The following SNX30 variants were observed in gnomAD, a reference collection of about 807,000 sequenced individuals.
SNX30 encodes the protein sorting nexin family member 30.
Under a neutral mutation model 46.4 loss-of-function variants are expected in SNX30, and 24 were observed. The ratio of observed to expected loss-of-function variants is 0.52; its 90% CI spans 0.37 to 0.73. The LOEUF is 0.73. SNX30 is among the 30% of genes least tolerant of loss of function. SNX30 has a pLI of 0.00. For synonymous variants in SNX30, 189 were observed against 211.5 expected (o/e 0.89, Z 0.92); for missense variants, 533 against 555.7 (o/e 0.96, Z 0.41).
intron 7 of SNX30, among the ~76,000 whole-genome samples, chr9:112,860,700 G>C (rs1271342598): frequency 6.6e-6 from 1 of 152,160 alleles, no homozygotes; most frequent in Non-Finnish European, 1.5e-5. Context: ...GAAATCTCAG[G>C]GTGGAGTAGC....
chr9:112,880,337 A>AAAAAAAG (rs1416653355), exon 5 of SNX30: 1 of 151,384 alleles, frequency 6.6e-6, no homozygotes, highest in African/African-American at 2.4e-5. Flanking sequence ...TCTCAAAAAA[A>AAAAAAAG]AAAAAAAAAA....
At chr9:112,813,694 G>T (rs2131415555) in intron 2 of SNX30, among the ~76,000 whole-genome samples, 1 of 151,522 alleles carries the variant, frequency 6.6e-6, no homozygotes. Context: ...GGCTGGTCTT[G>T]AACTCCTGAC....
At chr9:112,794,938 G>A (rs1291715333) in intron 1 of SNX30, among the ~76,000 whole-genome samples, 3 of 152,104 alleles carry the variant, frequency 2.0e-5, no homozygotes, top group Non-Finnish European at 2.9e-5. Flanking sequence ...GTGAAAATTG[G>A]TATTTTGCAA....
At chr9:112,838,362 G>A in intron 5 of SNX30, 136 bp from the exon 6 acceptor site, 1 of 661,064 alleles carries the variant, frequency 1.5e-6, no homozygotes, top group Non-Finnish European at 2.6e-6. Flanking sequence ...GTTTAAAGAA[G>A]AGTGGGATCA....
intron 1 of SNX30, among the ~76,000 whole-genome samples, chr9:112,771,322 TA>T (rs1282164684): frequency 6.6e-6 from 1 of 152,228 alleles, no homozygotes; most frequent in Non-Finnish European, 1.5e-5. Flanking sequence ...TAGCAAAAGA[TA>T]AAAGCTTATA....
chr9:112,845,260 G>A (rs1418283560), intron 6 of SNX30, among the ~76,000 whole-genome samples: 1 of 152,112 alleles, frequency 6.6e-6, no homozygotes, highest in African/African-American at 2.4e-5. Flanking sequence ...TTTTGGGAAC[G>A]GATTGAGAGT....
At chr9:112,884,581 T>TA (rs1330487211), downstream of SNX30, among the ~76,000 whole-genome samples, 1 of 133,854 alleles carries the variant, frequency 7.5e-6, no homozygotes, top group African/African-American at 2.5e-5. Flanking sequence ...GCACCGCAGA[T>TA]TAATTGAGTC....
Position 112,864,243 on chromosome 9 carries a change from C to T in SNX30, c.1102-4C>T. ...GGGCACCCATGTGTGCCTCCCTTTT[C>T]CAGGTACCGGCGGACGTCGAGAAAT... On this transcript the variant is annotated splice_polypyrimidine_tract_variant and splice_region_variant and intron_variant, in intron 7 of 8. Coordinates refer to ENST00000374232, the MANE Select transcript of SNX30 (RefSeq NM_001012994.2). 1 of 1,613,642 alleles carries T rather than the reference C, an allele frequency of 6.2e-7. No homozygotes were observed. The highest frequency in any genetic ancestry group is 8.5e-7 in the Non-Finnish European group (1 of 1,179,876).
chr9:112,864,646 A>G (rs1056460204), intron 8 of SNX30, among the ~76,000 whole-genome samples: 1 of 152,114 alleles, frequency 6.6e-6, no homozygotes, highest in African/African-American at 2.4e-5. Flanking sequence ...TTCGTCTTCC[A>G]TGCTTTCTGG....
intron 1 of SNX30, among the ~76,000 whole-genome samples, chr9:112,790,722 T>C (rs1169306797): frequency 6.6e-6 from 1 of 152,218 alleles, no homozygotes; most frequent in East Asian, 1.9e-4. Flanking sequence ...TACCATATAG[T>C]CTTTGTCCTC....
rs1262777327 is a variant in SNX30 at position 112,750,838 on chromosome 9, G to A, written c.-164G>A. 2 of 478,520 alleles carry A rather than the reference G, an allele frequency of 4.2e-6. No homozygotes were observed. Among genetic ancestry groups the A allele is most frequent in the Non-Finnish European group, 2.8e-6 (1 of 363,248 alleles). 29.6% of individuals were successfully genotyped at this position (478,520 alleles called of 1,614,324 possible). A position where few individuals can be genotyped will look rare whatever the true frequency, so the allele number is the denominator to read the frequency against. ...GCGGCGCGGAGCGGAGCGTCTGAGC[G>A]CCGGCAGAGACCAGCCGGCGGGTGG... On this transcript the variant is annotated 5_prime_UTR_variant, in exon 1 of 9. Coordinates refer to ENST00000374232, the MANE Select transcript of SNX30 (RefSeq NM_001012994.2).
At chr9:112,771,044 C>T (rs1039459758) in intron 1 of SNX30, among the ~76,000 whole-genome samples, 1 of 152,104 alleles carries the variant, frequency 6.6e-6, no homozygotes, top group African/African-American at 2.4e-5. Flanking sequence ...GTAGCAGACC[C>T]CTCCCTGCCC....
intron 2 of SNX30, 61 bp from the exon 3 acceptor site, chr9:112,817,644 T>C (rs1840421352): frequency 2.0e-6 from 2 of 1,001,648 alleles, no homozygotes; most frequent in African/African-American, 3.2e-5. Flanking sequence ...CTTTTTTCCT[T>C]CCCTTCAGCC....
chr9:112,862,871 T>C (rs543455697), intron 7 of SNX30, among the ~76,000 whole-genome samples: 9 of 152,102 alleles, frequency 5.9e-5, no homozygotes, highest in South Asian at 2.1e-4. Context: ...ATTTTTTTTT[T>C]CCCTCTTCCA....
intron 7 of SNX30, among the ~76,000 whole-genome samples, chr9:112,860,405 A>G (rs1259704336): frequency 6.6e-6 from 1 of 151,562 alleles, no homozygotes; most frequent in East Asian, 1.9e-4. Context: ...CCTGGCTGCA[A>G]CTCCCTCCTT....
rs1159699260 is a variant in SNX30, at chr9:112,767,208, A to G, written c.156+16051A>G. Among the ~76,000 whole-genome samples, 5 of 151,264 alleles carry G rather than the reference A, an allele frequency of 3.3e-5. No individual in the cohort carries two copies. The East Asian group carries it at 5.8e-4, about 18-fold the overall frequency. On this transcript the variant is annotated intron_variant, in intron 1 of 8. Transcript: ENST00000374232. ...TTGGTTTGCAGTTTTCTGATGTTCA[A>G]TATATTTTCATACGCTTATTGGCCA...
At chr9:112,861,724 C>A (rs1194382684) in intron 7 of SNX30, among the ~76,000 whole-genome samples, 2 of 152,220 alleles carry the variant, frequency 1.3e-5, no homozygotes, top group African/African-American at 4.8e-5. Context: ...TGCACAATTC[C>A]TGCGGTGGGT....
At chr9:112,809,537 G>T (rs377138307) in intron 2 of SNX30, among the ~76,000 whole-genome samples, 1 of 151,348 alleles carries the variant, frequency 6.6e-6, no homozygotes, top group Non-Finnish European at 1.5e-5. Flanking sequence ...TTATTTTCTT[G>T]TGTTTAGCCT....
intron 1 of SNX30, among the ~76,000 whole-genome samples, chr9:112,785,244 C>G (rs752301047): frequency 2.6e-5 from 4 of 152,010 alleles, no homozygotes; most frequent in African/African-American, 4.8e-5. Flanking sequence ...GAGACATGAC[C>G]TCACTCTGTC....
Sources: gnomAD v4.1 joint callset for allele counts (sites outside exome capture counted in the v4.1 genomes callset) on GRCh38, gnomAD v4.1.1 for gene constraint, MANE v1.5 for transcripts, NCBI Gene and HGNC (gene_info 2026-07-23, HGNC 2026-07-21) for gene names.